Variants in EYS observed in about 807,000 individuals in gnomAD.
EYS encodes EGF-like photoreceptor maintenance factor.
EYS carries 250 observed loss-of-function variants against 282.1 expected under a neutral mutation model. The observed-to-expected ratio is 0.89, with a 90% CI of 0.80 to 0.98. The LOEUF (loss-of-function observed/expected upper bound fraction) is 0.98, where lower values mean the gene tolerates loss of function less well. Ranked by LOEUF, EYS falls within the 50% of genes least tolerant of loss-of-function variation. The pLI is 0.00. For synonymous variants in EYS, 1,355 were observed against 1,282.9 expected (o/e 1.06, Z -1.20); for missense variants, 4,016 against 3,709.0 (o/e 1.08, Z -2.15).
chr6:64,440,350 C>T (rs1186147138), intron 26 of EYS, among the ~76,000 whole-genome samples: 1 of 151,848 alleles, frequency 6.6e-6, no homozygotes, highest in Non-Finnish European at 1.5e-5. Flanking sequence ...TTCAAACTTG[C>T]AACAATTTCT....
chr6:65,268,205 G>A (rs1232585335), intron 12 of EYS, among the ~76,000 whole-genome samples: 1 of 151,994 alleles, frequency 6.6e-6, no homozygotes, highest in Non-Finnish European at 1.5e-5. Context: ...AAATATGTAT[G>A]TGAAATAGAT....
intron 31 of EYS, among the ~76,000 whole-genome samples, chr6:64,178,159 A>T (rs962214915): frequency 2.6e-5 from 4 of 152,094 alleles, no homozygotes; most frequent in African/African-American, 7.2e-5. Context: ...TCTGGTGTGA[A>T]TGTGGATGTA....
At chr6:63,769,487 C>A (rs750319199) in intron 40 of EYS, among the ~76,000 whole-genome samples, 6 of 151,912 alleles carry the variant, frequency 3.9e-5, no homozygotes, top group Non-Finnish European at 8.8e-5. Context: ...CAAGACCATT[C>A]AAAAAATGTT....
chr6:64,983,731 ATTT>A (rs566370249), intron 14 of EYS, among the ~76,000 whole-genome samples: 1 of 148,992 alleles, frequency 6.7e-6, no homozygotes, highest in East Asian at 2.0e-4. Flanking sequence ...TTTCTAGGTA[ATTT>A]TTTTTTTCTG....
intron 7 of EYS, among the ~76,000 whole-genome samples, chr6:65,387,701 T>C (rs1167652726): frequency 1.3e-5 from 2 of 151,998 alleles, no homozygotes; most frequent in African/African-American, 4.8e-5. Context: ...ATAAACTAAC[T>C]TCAGATAGTT....
At chr6:65,325,258 A>AT (rs1166087311) in intron 11 of EYS, among the ~76,000 whole-genome samples, 3 of 151,760 alleles carry the variant, frequency 2.0e-5, no homozygotes, top group African/African-American at 4.8e-5. Context: ...TAGCTGTGAT[A>AT]TTTTTTGTCC....
rs528706556 is a variant in EYS, at chr6:64,994,754, T to C, written c.2259+2828A>G. 5.9e-5 allele frequency among the ~76,000 whole-genome samples: 9 copies of C among 152,280 alleles called. No individual in the cohort carries two copies. In the South Asian group the frequency reaches 1.9e-3, roughly 32 times the overall value. ...TAAAAATATGAATTTTGGCTCTTTTTATATGACTTAGTATCTTTGTACTAT... is the reference window on the plus strand; with the variant it reads ...TAAAAATATGAATTTTGGCTCTTTTCATATGACTTAGTATCTTTGTACTAT... On this transcript the variant is annotated intron_variant, in intron 14 of 42. Transcript: ENST00000503581.
At chr6:65,567,077 T>C (rs1038138164) in intron 2 of EYS, among the ~76,000 whole-genome samples, 4 of 151,876 alleles carry the variant, frequency 2.6e-5, no homozygotes, top group Admixed American at 2.0e-4. Flanking sequence ...AATGCTGTTA[T>C]TGTGGGAATG....
At chr6:64,755,493 T>TACAC (rs1772904031) in intron 22 of EYS, among the ~76,000 whole-genome samples, 3 of 32,472 alleles carry the variant, frequency 9.2e-5, no homozygotes, top group African/African-American at 2.8e-4. Context: ...CTTGAGAACA[T>TACAC]ACATACACAC....
At chr6:64,301,399 G>C (rs1582562145) in intron 30 of EYS, among the ~76,000 whole-genome samples, 1 of 152,254 alleles carries the variant, frequency 6.6e-6, no homozygotes, top group African/African-American at 2.4e-5. Flanking sequence ...AGATTGCATA[G>C]ACCCAGTCTA....
chr6:65,644,390 C>A (rs1241786716), intron 1 of EYS, among the ~76,000 whole-genome samples: 1 of 152,102 alleles, frequency 6.6e-6, no homozygotes, highest in Non-Finnish European at 1.5e-5. Flanking sequence ...AATAAATGAA[C>A]AAAGCCTACA....
intron 12 of EYS, among the ~76,000 whole-genome samples, chr6:65,119,630 C>CTTTTTTT (rs3036008): frequency 0.13 from 17,888 of 134,318 alleles, 1,374 homozygotes; most frequent in Middle Eastern, 0.18. Context: ...GCCTTTTTAT[C>CTTTTTTT]TTTTTTTTTT....
At chr6:64,178,764 TATAA>T (rs1256386717) in intron 31 of EYS, among the ~76,000 whole-genome samples, 1 of 152,018 alleles carries the variant, frequency 6.6e-6, no homozygotes, top group Non-Finnish European at 1.5e-5. Flanking sequence ...AAAAAAGTCA[TATAA>T]ATAATATATA....
At chr6:64,011,429 T>G (rs1046237417) in intron 33 of EYS, among the ~76,000 whole-genome samples, 1 of 152,184 alleles carries the variant, frequency 6.6e-6, no homozygotes, top group Non-Finnish European at 1.5e-5. Flanking sequence ...ACCAAGCCAT[T>G]TGGAAGTGCC....
intron 31 of EYS, among the ~76,000 whole-genome samples, chr6:64,225,000 A>G (rs568595282): frequency 6.6e-6 from 1 of 152,234 alleles, no homozygotes; most frequent in African/African-American, 2.4e-5. Flanking sequence ...TTTGCCAATT[A>G]GTCAATTTCA....
intron 19 of EYS, among the ~76,000 whole-genome samples, chr6:64,863,527 A>G (rs1766315749): frequency 6.6e-6 from 1 of 152,168 alleles, no homozygotes; most frequent in Admixed American, 6.5e-5. Context: ...TAAGGTTTGC[A>G]TATTTTATTC....
At chr6:64,038,171 G>A (rs1197224997) in intron 33 of EYS, among the ~76,000 whole-genome samples, 2 of 151,810 alleles carry the variant, frequency 1.3e-5, no homozygotes, top group East Asian at 3.9e-4. Context: ...TGGATTGGGG[G>A]ATGTGGATAG....
intron 26 of EYS, among the ~76,000 whole-genome samples, chr6:64,550,361 A>C (rs889672495): frequency 6.6e-6 from 1 of 151,882 alleles, no homozygotes; most frequent in Non-Finnish European, 1.5e-5. Flanking sequence ...CAACAGTGTA[A>C]AAGTGTTCCT....
intron 12 of EYS, among the ~76,000 whole-genome samples, chr6:65,243,210 G>A (rs115019919): frequency 6.6e-6 from 1 of 151,912 alleles, no homozygotes; most frequent in African/African-American, 2.4e-5. Context: ...GATTTTACAG[G>A]TATACCTCAA....
Sources: gnomAD v4.1 joint callset for allele counts (sites outside exome capture counted in the v4.1 genomes callset) on GRCh38, gnomAD v4.1.1 for gene constraint, MANE v1.5 for transcripts, NCBI Gene and HGNC (gene_info 2026-07-23, HGNC 2026-07-21) for gene names.